PIK3R3: variants seen among roughly 807,000 people sequenced by gnomAD.
The protein encoded by PIK3R3 is phosphoinositide-3-kinase regulatory subunit 3, also known as phosphatidylinositol 3-kinase regulatory subunit gamma.
In PIK3R3, 64 loss-of-function variants were observed where a neutral mutation model predicts 62.9. The observed-to-expected ratio is 1.02, with a 90% confidence interval of 0.83 to 1.25. The LOEUF (loss-of-function observed/expected upper bound fraction) is 1.25, where lower values mean the gene tolerates loss of function less well. Among genes scored for constraint, PIK3R3 ranks in the 50% most tolerant of loss-of-function variants. PIK3R3 has a pLI of 0.00. For synonymous variants in PIK3R3, 165 were observed against 189.0 expected (o/e 0.87, Z 1.04); for missense variants, 614 against 561.6 (o/e 1.09, Z -0.94).
At chr1:46,091,723 G>A (rs1231602114) in intron 1 of PIK3R3, among the ~76,000 whole-genome samples, 3 of 152,112 alleles carry the variant, frequency 2.0e-5, no homozygotes, top group Non-Finnish European at 4.4e-5. Flanking sequence ...TCATCCCTCA[G>A]TATCCTCATA....
chr1:46,080,718 A>G lies in PIK3R3; in HGVS notation c.139T>C (p.Ser47Pro). Residue 47 changes from serine (S) to proline (P), a missense_variant, in exon 2 of 10, where the codon TCA becomes CCA. Coordinates refer to ENST00000262741, the MANE Select transcript of PIK3R3 (RefSeq NM_003629.4). ...LPPKPPKPMT[S>P]AVPNGMKDSS... ...TCCTTCATTCCATTTGGAACTGCTG[A>G]AGTCATTGGCTTAGGTGGCTTTGGT... 1.2e-6 allele frequency: 2 copies of G among 1,613,798 alleles called. No individual in the cohort carries two copies. The highest frequency in any genetic ancestry group is 1.7e-6 in the Non-Finnish European group (2 of 1,179,682).
At chr1:46,116,389 A>C (rs1343167678) in intron 1 of PIK3R3, among the ~76,000 whole-genome samples, 1 of 152,122 alleles carries the variant, frequency 6.6e-6, no homozygotes, top group African/African-American at 2.4e-5. Context: ...ATGGTAGTGC[A>C]TACCTGTAGT....
At chr1:46,087,283 T>C (rs1159280995) in intron 1 of PIK3R3, among the ~76,000 whole-genome samples, 4 of 149,266 alleles carry the variant, frequency 2.7e-5, no homozygotes, top group African/African-American at 9.9e-5. Flanking sequence ...AAAAGAAAGA[T>C]ACAGCATGCT....
At chr1:46,148,194 C>T in the PIK3R3 span, among the ~76,000 whole-genome samples, 2 of 152,216 alleles carry the variant, frequency 1.3e-5, no homozygotes, top group East Asian at 3.8e-4. Flanking sequence ...GGGACAACTT[C>T]AGGCTCGAGT....
intron 7 of PIK3R3, 23 bp downstream of exon 7, chr1:46,055,772 C>G: frequency 6.5e-7 from 1 of 1,527,528 alleles, no homozygotes; most frequent in Non-Finnish European, 8.8e-7. Flanking sequence ...GTCTCCCTCC[C>G]CATACACTCC....
chr1:46,066,123 G>A lies in PIK3R3; in HGVS notation c.552C>T (p.Tyr184=). The change falls in exon 5 of 10, where the codon TAC becomes TAT. Residue 184 remains tyrosine (Y), a synonymous_variant. Transcript: ENST00000262741. The stretch of plus-strand genomic sequence containing the variant: ...TACTCTTCTCCTGATACTGAGAGTG[G>A]TATTCTTGCAGTTTTTTACCTACTG... ...IDAVGKKLQE[Y]HSQYQEKSKE... 2 of 1,595,028 alleles carry A rather than the reference G, an allele frequency of 1.3e-6. No homozygotes were observed. Among genetic ancestry groups the A allele is most frequent in the Non-Finnish European group, 1.7e-6 (2 of 1,163,150 alleles).
Position 46,043,390 on chromosome 1 carries a change from G to T in PIK3R3, c.*283C>A. ...CATCAAGCCTAATATTCTGTTGAGGGTGTCTGGCTAAACAAAACAAAAACC... is the reference window on the plus strand; with the variant it reads ...CATCAAGCCTAATATTCTGTTGAGGTTGTCTGGCTAAACAAAACAAAAACC... On this transcript the variant is annotated 3_prime_UTR_variant, in exon 10 of 10. Coordinates refer to ENST00000262741, the MANE Select transcript of PIK3R3 (RefSeq NM_003629.4). 4.4e-6 allele frequency: 2 copies of T among 451,786 alleles called. No individual in the cohort carries two copies. Among genetic ancestry groups the T allele is most frequent in the East Asian group, 3.9e-5 (1 of 25,774 alleles). The allele number at this position is 451,786 out of a possible 1,614,324, so 28.0% of individuals were successfully genotyped here. A position where few individuals can be genotyped will look rare whatever the true frequency, so the allele number is the denominator to read the frequency against.
At chr1:46,130,621 A>C (rs1261288748) in intron 1 of PIK3R3, among the ~76,000 whole-genome samples, 1 of 152,164 alleles carries the variant, frequency 6.6e-6, no homozygotes, top group Non-Finnish European at 1.5e-5. Flanking sequence ...ATTTCTACAT[A>C]CCTTCTATAA....
upstream of PIK3R3, among the ~76,000 whole-genome samples, chr1:46,134,201 C>T (rs911073028): frequency 3.9e-5 from 6 of 152,160 alleles, no homozygotes; most frequent in African/African-American, 1.2e-4. Context: ...GATTTAAGCC[C>T]TAGCAAAACC....
At chr1:46,149,421 C>CAA in the PIK3R3 span, among the ~76,000 whole-genome samples, 164 of 51,510 alleles carry the variant, frequency 3.2e-3, 1 homozygote, top group Middle Eastern at 0.012. Flanking sequence ...GACTCTGTCT[C>CAA]AAAAAAAAAA....
chr1:46,057,038 T>A (rs562718328), intron 6 of PIK3R3: 1 of 152,396 alleles, frequency 6.6e-6, no homozygotes, highest in African/African-American at 2.4e-5. Flanking sequence ...TCTTGAATTG[T>A]ACTCCCATAA....
chr1:46,130,941 CTTTCCT>C (rs1332380708), intron 1 of PIK3R3, among the ~76,000 whole-genome samples: 1 of 152,164 alleles, frequency 6.6e-6, no homozygotes, highest in Non-Finnish European at 1.5e-5. Flanking sequence ...TTCCATTTTG[CTTTCCT>C]TTTCCTTTCC....
the PIK3R3 span, among the ~76,000 whole-genome samples, chr1:46,152,765 G>A: frequency 5.3e-5 from 8 of 151,942 alleles, no homozygotes; most frequent in East Asian, 5.8e-4. Flanking sequence ...GGGTTTCACC[G>A]TGTTAGTCAG....
intron 7 of PIK3R3, among the ~76,000 whole-genome samples, chr1:46,055,414 A>C (rs946869712): frequency 3.3e-5 from 5 of 152,108 alleles, no homozygotes; most frequent in Admixed American, 1.3e-4. Flanking sequence ...CCAGCCTAGA[A>C]CCTACTTCCC....
At chr1:46,101,711 A>G (rs1227764382) in intron 1 of PIK3R3, among the ~76,000 whole-genome samples, 1 of 152,240 alleles carries the variant, frequency 6.6e-6, no homozygotes, top group Non-Finnish European at 1.5e-5. Context: ...GTATGATTCA[A>G]TTTACATGAA....
intron 1 of PIK3R3, chr1:46,105,078 C>G (rs564782920): frequency 1.3e-6 from 1 of 746,512 alleles, no homozygotes; most frequent in East Asian, 2.5e-5. Flanking sequence ...GCCACTTTCT[C>G]TATTGCTGTA....
intron 1 of PIK3R3, among the ~76,000 whole-genome samples, chr1:46,116,277 G>A (rs977499076): frequency 1.3e-5 from 2 of 152,122 alleles, no homozygotes; most frequent in Non-Finnish European, 2.9e-5. Context: ...TTGGGAGCCT[G>A]AGGCAGGAGG....
intron 1 of PIK3R3, among the ~76,000 whole-genome samples, chr1:46,086,552 T>C (rs534448913): frequency 5.3e-5 from 8 of 151,486 alleles, no homozygotes; most frequent in Admixed American, 1.3e-4. Context: ...ATACAAAAAT[T>C]AGCTGAGAGT....
At chr1:46,141,289 G>T in the PIK3R3 span, among the ~76,000 whole-genome samples, 2 of 150,610 alleles carry the variant, frequency 1.3e-5, no homozygotes, top group Admixed American at 1.3e-4. Context: ...ATTTATTTTT[G>T]AGACAGAGTC....
Sources: allele counts gnomAD v4.1 joint callset (sites outside exome capture counted in the v4.1 genomes callset), GRCh38; gene constraint gnomAD v4.1.1; transcripts MANE v1.5; gene names NCBI Gene and HGNC (gene_info 2026-07-23, HGNC 2026-07-21).